KRT80: variants seen among roughly 807,000 people sequenced by gnomAD.
KRT80 encodes the protein keratin 80.
Under a neutral mutation model 51.5 loss-of-function variants are expected in KRT80, and 36 were observed. That is an observed-to-expected ratio of 0.70 (90% CI 0.54 to 0.92). KRT80 has a LOEUF of 0.92. KRT80 is among the 40% of genes least tolerant of loss of function. The pLI is 0.00. For missense variants in KRT80, 566 were observed against 591.7 expected (o/e 0.96, Z 0.45); for synonymous variants, 235 against 248.3 (o/e 0.95, Z 0.50).
intron 2 of KRT80, among the ~76,000 whole-genome samples, 175 bp from the exon 3 acceptor site, chr12:52,181,138 C>T (rs567088667): frequency 6.6e-4 from 100 of 152,214 alleles, no homozygotes; most frequent in Middle Eastern, 3.4e-3. Context: ...CTCTCTCTCT[C>T]CCCCCGACCT....
At chr12:52,189,959 A>G (rs1206971870) in intron 1 of KRT80, among the ~76,000 whole-genome samples, 3 of 152,246 alleles carry the variant, frequency 2.0e-5, no homozygotes, top group African/African-American at 7.2e-5. Context: ...GCCAAATTCC[A>G]TAGCTCAGTG....
Position 52,171,734 on chromosome 12 carries a change from G to C in KRT80, c.1179-21C>G. Reference sequence around the variant, plus strand: ...CCATCCTGGGGGTGGGGGACGGGGGGGTGGGAGAGGGATATGATGGGATGC... The same window carrying C: ...CCATCCTGGGGGTGGGGGACGGGGGCGTGGGAGAGGGATATGATGGGATGC... On this transcript the variant is annotated intron_variant, in intron 7 of 8. Transcript: ENST00000394815. 2 of 1,398,692 alleles carry C rather than the reference G, an allele frequency of 1.4e-6. 1 individual carries two copies. The highest frequency in any genetic ancestry group is 4.0e-5 in the Admixed American group (2 of 50,540). 86.6% of individuals were successfully genotyped at this position (1,398,692 alleles called of 1,614,324 possible).
In KRT80 at chr12:52,171,167, G is replaced by A; in HGVS notation, c.*231C>T. ...AAAACCTCTGGCCAGAAGGTTGGAA[G>A]GATGGGACTGTGAGATACTGATATG... On this transcript the variant is annotated 3_prime_UTR_variant, in exon 9 of 9. Transcript: ENST00000394815. The A allele has an allele frequency of 2.3e-6, 1 of 426,732 alleles. No individual in the cohort carries two copies. Among genetic ancestry groups the A allele is most frequent in the Non-Finnish European group, 4.1e-6 (1 of 241,376 alleles). The allele number at this position is 426,732 out of a possible 1,614,324, so 26.4% of individuals were successfully genotyped here. A position where few individuals can be genotyped will look rare whatever the true frequency, so the allele number is the denominator to read the frequency against.
In KRT80 at chr12:52,191,631, T is replaced by C. The variant is rs370569373; in HGVS notation, c.272A>G (p.Asn91Ser). ...GCCAATTAGGGAGGCAAATTTATCA[T>C]TGAGGGCCTTCATCTCCTCCTTCTC... ...NQEKEEMKAL[N>S]DKFASLIGKV... Residue 91 changes from asparagine (N) to serine (S), a missense_variant, in exon 1 of 9, where the codon AAT (asparagine) becomes AGT (serine). Transcript: ENST00000394815. 3 of 1,599,934 alleles carry C rather than the reference T, an allele frequency of 1.9e-6. No homozygotes were observed. Among genetic ancestry groups the C allele is most frequent in the East Asian group, 2.2e-5 (1 of 44,536 alleles).
At chr12:52,191,487 CCATTGGCTGGGTG>C (rs1941479737) in intron 1 of KRT80, 103 bp downstream of exon 1, 7 of 1,030,160 alleles carry the variant, frequency 6.8e-6, no homozygotes, top group Middle Eastern at 3.0e-4. Flanking sequence ...TGCCATCTCC[CCATTGGCTGGGTG>C]CAGGGGTGGG....
intron 4 of KRT80, among the ~76,000 whole-genome samples, chr12:52,176,045 G>A (rs1054150461): frequency 2.6e-5 from 4 of 152,168 alleles, no homozygotes; most frequent in Admixed American, 6.5e-5. Flanking sequence ...AGGAAAGGCC[G>A]GCGCACTGTG....
Position 52,191,527 on chromosome 12 carries a change from T to C in KRT80, c.300+76A>G, listed in dbSNP as rs1592368917. The C allele has an allele frequency of 4.9e-6, 7 of 1,421,702 alleles. No individual in the cohort carries two copies. The East Asian group carries it at 1.6e-4, about 33-fold the overall frequency. The allele number at this position is 1,421,702 out of a possible 1,614,324, so 88.1% of individuals were successfully genotyped here. On this transcript the variant is annotated intron_variant, in intron 1 of 8. Coordinates refer to ENST00000394815, the MANE Select transcript of KRT80 (RefSeq NM_182507.3). ...AGGGGTGGGGCGCGGTGATCGATGC[T>C]CAGGGAAACACAGAGCTCAGCTACC...
chr12:52,169,260 A>G lies in KRT80; in HGVS notation c.*2138T>C, dbSNP rs1941045336. ...AGCCATTCATGAAGGATCCTCTCTC[A>G]TGATCCAAATACTTCCCACCAGGCT... On this transcript the variant is annotated 3_prime_UTR_variant, in exon 9 of 9. Transcript: ENST00000394815. 6.6e-6 allele frequency: 1 copy of G among 152,206 alleles called. No homozygotes were observed. Among genetic ancestry groups the G allele is most frequent in the South Asian group, 2.1e-4 (1 of 4,834 alleles). 9.4% of individuals were successfully genotyped at this position (152,206 alleles called of 1,614,324 possible).
At chr12:52,181,599 A>T (rs1941321786) in intron 2 of KRT80, among the ~76,000 whole-genome samples, 1 of 152,172 alleles carries the variant, frequency 6.6e-6, no homozygotes, top group African/African-American at 2.4e-5. Context: ...CAGGGGGCTG[A>T]CAAACCCACC....
chr12:52,185,534 C>T lies in KRT80; in HGVS notation c.354G>A (p.Leu118=), dbSNP rs1348111576. The stretch of plus-strand genomic sequence containing the variant: ...CGAAGATGGCTGAGTCCTGGCCCTG[C>T]AGGAAGCTCCAGCGTGTCTCCAGCA... ...NQLLETRWSF[L]QGQDSAIFDL... is the part of the protein sequence containing the mutation. The change falls in exon 2 of 9, where the codon CTG becomes CTA. Residue 118 remains leucine, a synonymous_variant. Coordinates refer to ENST00000394815, the MANE Select transcript of KRT80 (RefSeq NM_182507.3). 4 of 1,612,808 alleles carry T rather than the reference C, an allele frequency of 2.5e-6. No homozygotes were observed. The African/African-American group carries it at 4.0e-5, about 16-fold the overall frequency.
chr12:52,187,790 C>T (rs1468565253), intron 1 of KRT80, among the ~76,000 whole-genome samples: 1 of 152,132 alleles, frequency 6.6e-6, no homozygotes, highest in Non-Finnish European at 1.5e-5. Context: ...GGTATCTGCT[C>T]ACCCCACCTT....
At chr12:52,173,873 C>T in intron 4 of KRT80, 109 bp from the exon 5 acceptor site, 1 of 1,095,842 alleles carries the variant, frequency 9.1e-7, no homozygotes, top group South Asian at 1.5e-5. Context: ...GAGCTGCTCC[C>T]TTCCTGTCCC....
chr12:52,182,806 G>C (rs1941345397), intron 2 of KRT80, among the ~76,000 whole-genome samples: 1 of 152,170 alleles, frequency 6.6e-6, no homozygotes, highest in South Asian at 2.1e-4. Context: ...TGGACCTCTA[G>C]GTGTGCTTTG....
intron 2 of KRT80, among the ~76,000 whole-genome samples, chr12:52,182,703 G>A (rs890878168): frequency 6.6e-6 from 1 of 152,146 alleles, no homozygotes; most frequent in African/African-American, 2.4e-5. Flanking sequence ...GCTGCCCTGG[G>A]AAACCCCCTC....
At chr12:52,183,324 T>C (rs931041263) in intron 2 of KRT80, among the ~76,000 whole-genome samples, 4 of 152,202 alleles carry the variant, frequency 2.6e-5, no homozygotes, top group Admixed American at 1.3e-4. Context: ...TTTTTTAGCT[T>C]GTCACACCTG....
In KRT80 at chr12:52,181,698, G is replaced by T. The variant is rs552302740; in HGVS notation, c.510-735C>A. Reference sequence around the variant, plus strand: ...TCTTCTCAGTTTGGACTTCTTACTCGCTCCCACCTTGGGTTTGGAACAAGG... The same window carrying T: ...TCTTCTCAGTTTGGACTTCTTACTCTCTCCCACCTTGGGTTTGGAACAAGG... On this transcript the variant is annotated intron_variant, in intron 2 of 8. Coordinates refer to ENST00000394815, the MANE Select transcript of KRT80 (RefSeq NM_182507.3). 2.0e-5 allele frequency among the ~76,000 whole-genome samples: 3 copies of T among 152,174 alleles called. No individual in the cohort carries two copies. The South Asian group carries it at 6.2e-4, about 32-fold the overall frequency.
intron 2 of KRT80, among the ~76,000 whole-genome samples, chr12:52,181,878 T>C (rs1396835225): frequency 1.3e-5 from 2 of 152,212 alleles, no homozygotes; most frequent in African/African-American, 2.4e-5. Context: ...CAGCTTCTGT[T>C]TTTTTCCCTC....
At chr12:52,185,312 C>T in intron 2 of KRT80, 67 bp downstream of exon 2, 1 of 1,453,154 alleles carries the variant, frequency 6.9e-7, no homozygotes, top group Non-Finnish European at 9.4e-7. Context: ...TTAAGTGCCT[C>T]CCATCTGAGC....
intron 1 of KRT80, 160 bp from the exon 2 acceptor site, chr12:52,185,747 A>T: frequency 1.4e-6 from 2 of 1,425,590 alleles, no homozygotes; most frequent in Non-Finnish European, 1.9e-6. Flanking sequence ...ACCTCCAATG[A>T]CTGATTGTTA....
Sources: gnomAD v4.1 joint callset for allele counts (sites outside exome capture counted in the v4.1 genomes callset) on GRCh38, gnomAD v4.1.1 for gene constraint, MANE v1.5 for transcripts, NCBI Gene and HGNC (gene_info 2026-07-23, HGNC 2026-07-21) for gene names.